Variants in MTFR1 observed in about 807,000 individuals in gnomAD.
MTFR1 encodes mitochondrial fission regulator 1, also known as chondrocyte protein with a poly-proline region.
MTFR1 carries 28 observed loss-of-function variants against 38.8 expected under a neutral mutation model. The ratio of observed to expected loss-of-function variants is 0.72; its 90% CI spans 0.53 to 0.99. The LOEUF (loss-of-function observed/expected upper bound fraction) is 0.99, where lower values mean the gene tolerates loss of function less well. MTFR1 is among the 50% of genes least tolerant of loss of function. The probability of loss-of-function intolerance (pLI) is 0.00; values close to 1 mark genes in which losing one functional copy is unlikely to be tolerated. For missense variants in MTFR1, 358 were observed against 395.5 expected (o/e 0.91, Z 0.81); for synonymous variants, 145 against 137.0 (o/e 1.06, Z -0.41).
At chr8:65,683,095 G>A (rs1804952847) in intron 3 of MTFR1, among the ~76,000 whole-genome samples, 1 of 147,156 alleles carries the variant, frequency 6.8e-6, no homozygotes, top group Non-Finnish European at 1.5e-5. Flanking sequence ...TGGAGATATT[G>A]CTATTTTCCT....
intron 3 of MTFR1, among the ~76,000 whole-genome samples, chr8:65,723,965 G>A (rs1333261553): frequency 1.3e-5 from 2 of 152,066 alleles, no homozygotes; most frequent in South Asian, 2.1e-4. Context: ...CTCCACACAC[G>A]ACAAGGATAA....
At chr8:65,762,608 T>C (rs926568784) in intron 3 of MTFR1, among the ~76,000 whole-genome samples, 8 of 152,190 alleles carry the variant, frequency 5.3e-5, no homozygotes, top group Non-Finnish European at 1.2e-4. Flanking sequence ...TTAAATGAGA[T>C]AATATATGCA....
chr8:65,695,624 TG>T (rs1297199825), intron 4 of MTFR1, among the ~76,000 whole-genome samples: 1 of 152,176 alleles, frequency 6.6e-6, no homozygotes, highest in African/African-American at 2.4e-5. Flanking sequence ...CTCAGAGTGC[TG>T]GGATTATAGG....
chr8:65,659,485 A>G (rs1387569079), intron 1 of MTFR1, among the ~76,000 whole-genome samples: 1 of 143,622 alleles, frequency 7.0e-6, no homozygotes, highest in Admixed American at 7.3e-5. Context: ...TCACTCCCCC[A>G]TAGGCTGGGG....
intron 3 of MTFR1, among the ~76,000 whole-genome samples, chr8:65,751,979 G>A (rs1194601757): frequency 6.6e-6 from 1 of 152,124 alleles, no homozygotes; most frequent in Admixed American, 6.5e-5. Flanking sequence ...CTATCATACA[G>A]ATGAATCATA....
At chr8:65,759,967 C>T (rs532934699) in intron 3 of MTFR1, among the ~76,000 whole-genome samples, 11 of 152,034 alleles carry the variant, frequency 7.2e-5, no homozygotes, top group African/African-American at 1.2e-4. Context: ...CAGCTGAGCA[C>T]GGTGGCTCAC....
chr8:65,729,364 C>CTTTTTTT (rs10540107), intron 3 of MTFR1, among the ~76,000 whole-genome samples: 1 of 80,076 alleles, frequency 1.2e-5, no homozygotes, highest in African/African-American at 5.2e-5. Flanking sequence ...TTGGTGGTAG[C>CTTTTTTT]TTTTTTTTTT....
chr8:65,671,111 C>G (rs1163542095), intron 2 of MTFR1, among the ~76,000 whole-genome samples: 1 of 152,038 alleles, frequency 6.6e-6, no homozygotes, highest in Non-Finnish European at 1.5e-5. Context: ...AGTAGAGAAC[C>G]AAATAAAATT....
At chr8:65,747,600 C>G in intron 3 of MTFR1, 1 of 1,179,800 alleles carries the variant, frequency 8.5e-7, no homozygotes, top group Non-Finnish European at 1.2e-6. Flanking sequence ...GAATAAAGGC[C>G]TTCAGTAAAC....
chr8:65,745,315 G>A, intron 3 of MTFR1: 1 of 779,362 alleles, frequency 1.3e-6, no homozygotes, highest in South Asian at 1.4e-5. Context: ...AACAACCTTA[G>A]TACAGTAAAT....
intron 1 of MTFR1, among the ~76,000 whole-genome samples, chr8:65,661,802 A>G (rs1003919777): frequency 2.6e-5 from 4 of 151,912 alleles, no homozygotes; most frequent in Admixed American, 1.3e-4. Context: ...CATCTTTACT[A>G]AAAATATCAA....
At chr8:65,720,401 A>C (rs1163074954) in intron 3 of MTFR1, 1 of 154,166 alleles carries the variant, frequency 6.5e-6, no homozygotes, top group African/African-American at 2.4e-5. Flanking sequence ...CTTCATATCC[A>C]AGACTCTCGT....
chr8:65,745,176 T>C (rs1807617818), intron 3 of MTFR1, among the ~76,000 whole-genome samples: 2 of 152,224 alleles, frequency 1.3e-5, no homozygotes, highest in Admixed American at 1.3e-4. Flanking sequence ...TCCACCATGA[T>C]TGTGAGGCCT....
intron 2 of MTFR1, among the ~76,000 whole-genome samples, chr8:65,680,953 C>T (rs552574616): frequency 2.1e-5 from 3 of 144,628 alleles, no homozygotes; most frequent in East Asian, 2.0e-4. Context: ...TCGCCCAGGC[C>T]GGACTGCGGA....
intron 3 of MTFR1, among the ~76,000 whole-genome samples, chr8:65,741,114 T>C (rs1807410832): frequency 6.6e-6 from 1 of 152,222 alleles, no homozygotes; most frequent in Non-Finnish European, 1.5e-5. Context: ...ATACCTCCTA[T>C]TATACTTCTC....
At chr8:65,771,825 C>T (rs1809098972), downstream of MTFR1, among the ~76,000 whole-genome samples, 1 of 137,148 alleles carries the variant, frequency 7.3e-6, no homozygotes, top group South Asian at 2.2e-4. Flanking sequence ...CAGTGAGCCA[C>T]GATTGAGCCA....
chr8:65,729,465 AAAG>A (rs898423006), intron 3 of MTFR1, among the ~76,000 whole-genome samples: 3 of 150,786 alleles, frequency 2.0e-5, no homozygotes, highest in Non-Finnish European at 4.4e-5. Context: ...TGCTGAGGGT[AAAG>A]AGGAGGTGGC....
chr8:65,772,931 C>G (rs545715274), downstream of MTFR1, among the ~76,000 whole-genome samples: 6 of 152,226 alleles, frequency 3.9e-5, no homozygotes, highest in African/African-American at 1.4e-4. Flanking sequence ...TCACTTGAAC[C>G]TGGGAGACGG....
At chr8:65,716,479 A>C (rs1419383899) in intron 2 of MTFR1, among the ~76,000 whole-genome samples, 1 of 152,098 alleles carries the variant, frequency 6.6e-6, no homozygotes, top group Non-Finnish European at 1.5e-5. Context: ...AGCACCTTCC[A>C]GGGGAAGAGG....
Sources: allele counts gnomAD v4.1 joint callset (sites outside exome capture counted in the v4.1 genomes callset), GRCh38; gene constraint gnomAD v4.1.1; transcripts MANE v1.5; gene names NCBI Gene and HGNC (gene_info 2026-07-23, HGNC 2026-07-21).